Variants in PCYT1A observed in about 807,000 individuals in gnomAD.
PCYT1A encodes the protein choline-phosphate cytidylyltransferase A.
PCYT1A carries 25 observed loss-of-function variants against 43.7 expected under a neutral mutation model. The ratio of observed to expected loss-of-function variants is 0.57; its 90% CI spans 0.42 to 0.80. PCYT1A has a LOEUF of 0.80. Among genes scored for constraint, PCYT1A ranks in the 30% least tolerant of loss-of-function variants. PCYT1A has a pLI of 0.00. For missense variants in PCYT1A, 421 were observed against 474.2 expected (o/e 0.89, Z 1.04); for synonymous variants, 172 against 170.7 (o/e 1.01, Z -0.06).
intron 2 of PCYT1A, among the ~76,000 whole-genome samples, chr3:196,259,632 C>T (rs1439253178): frequency 1.3e-5 from 2 of 151,608 alleles, no homozygotes; most frequent in Non-Finnish European, 2.9e-5. Context: ...TTGCTTGAGC[C>T]CAGGAGTTCA....
intron 2 of PCYT1A, among the ~76,000 whole-genome samples, chr3:196,261,250 T>A (rs1299527791): frequency 1.3e-5 from 2 of 152,188 alleles, no homozygotes; most frequent in Admixed American, 1.3e-4. Flanking sequence ...TGTTCTGGAA[T>A]TAGATGGTTG....
chr3:196,251,517 T>C (rs1724788807), intron 3 of PCYT1A: 1 of 152,800 alleles, frequency 6.5e-6, no homozygotes, highest in South Asian at 2.1e-4. Flanking sequence ...AATCATACAC[T>C]GCTGAAAGGA....
intron 2 of PCYT1A, among the ~76,000 whole-genome samples, chr3:196,260,837 C>G (rs1162442250): frequency 6.6e-6 from 1 of 151,862 alleles, no homozygotes; most frequent in Non-Finnish European, 1.5e-5. Flanking sequence ...AAGACTCTGC[C>G]TCAAAAAAAC....
chr3:196,245,431 C>T (rs1037988881), intron 5 of PCYT1A, among the ~76,000 whole-genome samples: 2 of 152,126 alleles, frequency 1.3e-5, no homozygotes, highest in South Asian at 2.1e-4. Context: ...TGAGCCACAG[C>T]GCCTGGCCAT....
Position 196,247,559 on chromosome 3 carries a change from T to G in PCYT1A, c.335-41A>C. ...ATAAATTGTGTGTTGGAGTCCTCTT[T>G]GCTTAGCACCTCCTCAGCCACCGAC... On this transcript the variant is annotated intron_variant, in intron 4 of 8. Transcript: ENST00000431016. The surrounding 1 kb of genome is among the most constrained non-coding windows in gnomAD (Gnocchi z 4.8). The G allele has an allele frequency of 6.3e-7, 1 of 1,598,164 alleles. No homozygotes were observed. Among genetic ancestry groups the G allele is most frequent in the Non-Finnish European group, 8.6e-7 (1 of 1,165,504 alleles).
intron 1 of PCYT1A, among the ~76,000 whole-genome samples, chr3:196,271,421 ATTG>A (rs1725428120): frequency 1.3e-5 from 2 of 151,988 alleles, no homozygotes; most frequent in South Asian, 4.2e-4. Flanking sequence ...TTACTTTTTT[ATTG>A]TTTTTATTTT....
In PCYT1A at chr3:196,242,783, T is replaced by G; in HGVS notation, c.487-143A>C. ...TATCTCTCTTTGCTTTGCTCATAAA[T>G]TCTACAATCTATTCACAAACCACCC... On this transcript the variant is annotated intron_variant, in intron 5 of 8. Coordinates refer to ENST00000431016, the MANE Select transcript of PCYT1A (RefSeq NM_001312673.2). The surrounding 1 kb of genome is among the most constrained non-coding windows in gnomAD (Gnocchi z 4.2). 1 of 649,640 alleles carries G rather than the reference T, an allele frequency of 1.5e-6. No homozygotes were observed. Among genetic ancestry groups the G allele is most frequent in the South Asian group, 1.8e-5 (1 of 54,802 alleles). 40.2% of individuals were successfully genotyped at this position (649,640 alleles called of 1,614,324 possible). A position where few individuals can be genotyped will look rare whatever the true frequency, so the allele number is the denominator to read the frequency against.
intron 7 of PCYT1A, among the ~76,000 whole-genome samples, chr3:196,240,311 T>C (rs1230939598): frequency 1.3e-5 from 2 of 152,242 alleles, no homozygotes; most frequent in Non-Finnish European, 1.5e-5. Context: ...ATGATACTCG[T>C]TGGTCTTACC....
In PCYT1A at chr3:196,238,868, G is replaced by GC; in HGVS notation, c.923dup (p.Arg309ProfsTer52). 1 of 1,470,332 alleles carries GC rather than the reference G, an allele frequency of 6.8e-7. No homozygotes were observed. Among genetic ancestry groups the GC allele is most frequent in the Non-Finnish European group, 9.0e-7 (1 of 1,109,808 alleles). 91.1% of individuals were successfully genotyped at this position (1,470,332 alleles called of 1,614,324 possible). On this transcript the variant is annotated frameshift_variant, in exon 9 of 9. Coordinates refer to ENST00000431016, the MANE Select transcript of PCYT1A (RefSeq NM_001312673.2). LOFTEE classifies it high-confidence loss of function. ...TCGGGCTGATGGCCTGCAGCATCCG[G>GC]CCCTTCCCCTCTTTCAGCATATGTT...
rs148654029 is a variant in PCYT1A at position 196,254,118 on chromosome 3, C to T, written c.217+3670G>A. Among the ~76,000 whole-genome samples, 1,275 of 151,050 alleles carry T rather than the reference C, an allele frequency of 8.4e-3. 13 individuals are homozygous for T. Among genetic ancestry groups the T allele is most frequent in the African/African-American group, 0.03 (1,229 of 41,358 alleles). ...CTAGGCTCACTGCAACCTCTGCCTC[C>T]CAGGCTCAAGTGATTCTCCTGTCTC... On this transcript the variant is annotated intron_variant, in intron 3 of 8. Coordinates refer to ENST00000431016, the MANE Select transcript of PCYT1A (RefSeq NM_001312673.2).
At chr3:196,239,277 C>T (rs964704732) in intron 8 of PCYT1A, among the ~76,000 whole-genome samples, 1 of 152,176 alleles carries the variant, frequency 6.6e-6, no homozygotes, top group Admixed American at 6.5e-5. Context: ...TAAAATCATA[C>T]CACAGATAAA....
At chr3:196,263,922 G>T (rs559865899) in intron 2 of PCYT1A, among the ~76,000 whole-genome samples, 1 of 152,326 alleles carries the variant, frequency 6.6e-6, no homozygotes, top group South Asian at 2.1e-4. Flanking sequence ...ATGAGCCACT[G>T]CGCCCAGCCA....
At chr3:196,243,482 G>A (rs1351813209) in intron 5 of PCYT1A, among the ~76,000 whole-genome samples, 1 of 152,086 alleles carries the variant, frequency 6.6e-6, no homozygotes, top group Non-Finnish European at 1.5e-5. Context: ...AAGGCCATAA[G>A]AGAAGTTTTC....
chr3:196,261,691 G>C (rs530171853), intron 2 of PCYT1A, among the ~76,000 whole-genome samples: 1 of 152,002 alleles, frequency 6.6e-6, no homozygotes, highest in African/African-American at 2.4e-5. Context: ...TCGGGAGGCT[G>C]AGGCAGGAGA....
Position 196,252,311 on chromosome 3 carries a change from G to A in PCYT1A, c.218-3988C>T, listed in dbSNP as rs1724828306. ...TGCCCAGGCTGGAGTGTGGTGACATGATCTAGGCTCACTGCAACCTCTGCC... is the reference window on the plus strand; with the variant it reads ...TGCCCAGGCTGGAGTGTGGTGACATAATCTAGGCTCACTGCAACCTCTGCC... On this transcript the variant is annotated intron_variant, in intron 3 of 8. Coordinates refer to ENST00000431016, the MANE Select transcript of PCYT1A (RefSeq NM_001312673.2). This position sits in a 1 kb window ranked among gnomAD's most constrained non-coding sequence, Gnocchi z 4.0. Among the ~76,000 whole-genome samples the A allele has an allele frequency of 6.6e-6, 1 of 152,142 alleles. No homozygotes were observed.
In PCYT1A at chr3:196,238,664, G is replaced by A. The variant is rs74903133; in HGVS notation, c.*24C>T. ...CTGAAGGTAATGGGACAGAAAGGGAGGACAGGAAAGGAGGGAGGAAACATT... is the reference window on the plus strand; with the variant it reads ...CTGAAGGTAATGGGACAGAAAGGGAAGACAGGAAAGGAGGGAGGAAACATT... On this transcript the variant is annotated 3_prime_UTR_variant, in exon 9 of 9. Coordinates refer to ENST00000431016, the MANE Select transcript of PCYT1A (RefSeq NM_001312673.2). 2.0e-3 allele frequency: 2,903 copies of A among 1,430,516 alleles called. 54 individuals are homozygous for A. The African/African-American group carries it at 0.038, about 19-fold the overall frequency. The allele number at this position is 1,430,516 out of a possible 1,614,324, so 88.6% of individuals were successfully genotyped here.
At chr3:196,244,347 G>A (rs180733797) in intron 5 of PCYT1A, among the ~76,000 whole-genome samples, 13 of 149,058 alleles carry the variant, frequency 8.7e-5, no homozygotes, top group Non-Finnish European at 1.6e-4. Context: ...CCGCCATCCC[G>A]TCTAGGAAGT....
chr3:196,239,544 T>C lies in PCYT1A; in HGVS notation c.897+3A>G, dbSNP rs1724287713. ...CTACATTGTCCAGTGGGAAAGAACA[T>C]ACCAGTGCTCCTTCCGGACCAAACA... On this transcript the variant is annotated splice_donor_region_variant and intron_variant, in intron 8 of 8. Coordinates refer to ENST00000431016, the MANE Select transcript of PCYT1A (RefSeq NM_001312673.2). The C allele has an allele frequency of 6.3e-7, 1 of 1,588,656 alleles. No individual in the cohort carries two copies. The highest frequency in any genetic ancestry group is 8.6e-7 in the Non-Finnish European group (1 of 1,157,014).
At chr3:196,250,513 G>T (rs1442145057) in intron 3 of PCYT1A, 2 of 168,384 alleles carry the variant, frequency 1.2e-5, no homozygotes, top group Non-Finnish European at 2.5e-5. Flanking sequence ...CTATGCTGAG[G>T]ACCAGATACA....
Sources: allele counts gnomAD v4.1 joint callset (sites outside exome capture counted in the v4.1 genomes callset), GRCh38; gene constraint gnomAD v4.1.1; non-coding constraint Gnocchi (gnomAD v3.1); transcripts MANE v1.5; gene names NCBI Gene and HGNC (gene_info 2026-07-23, HGNC 2026-07-21).